The following ZNF141 variants were observed in gnomAD, a reference collection of about 807,000 sequenced individuals.
ZNF141 encodes zinc finger protein 141, also known as zinc finger protein 141 (clone pHZ-44).
Under a neutral mutation model 11.3 loss-of-function variants are expected in ZNF141, and 7 were observed. That is an observed-to-expected ratio of 0.62 (90% CI 0.35 to 1.16). ZNF141 has a LOEUF of 1.16. Ranked by LOEUF, ZNF141 falls within the 50% of genes most tolerant of loss-of-function variation. The probability of loss-of-function intolerance (pLI) is 0.02; values close to 1 mark genes in which losing one functional copy is unlikely to be tolerated. For missense variants in ZNF141, 535 were observed against 554.0 expected (o/e 0.97, Z 0.34); for synonymous variants, 183 against 190.7 (o/e 0.96, Z 0.33).
chr4:343,946 CAG>C, intron 2 of ZNF141, 38 bp downstream of exon 2: 1 of 1,574,972 alleles, frequency 6.3e-7, no homozygotes. Flanking sequence ...TAATTTTTCT[CAG>C]AGCTTTATTT....
rs77411834 is a variant in ZNF141 at position 379,686 on chromosome 4, T to C, written c.*5824T>C. On this transcript the variant is annotated 3_prime_UTR_variant, in exon 4 of 4. Transcript: ENST00000240499. ...CTGCGCCCAGCCTCTATGGTTATTA[T>C]ATTACAAAAACAGCACAAAAACTAT... 0.014 allele frequency among the ~76,000 whole-genome samples: 2,198 copies of C among 152,348 alleles called. 57 individuals carry two copies. Among genetic ancestry groups the C allele is most frequent in the African/African-American group, 0.049 (2,017 of 41,574 alleles).
chr4:347,261 T>A lies in ZNF141; in HGVS notation c.226+2831T>A, dbSNP rs1721373466. Among the ~76,000 whole-genome samples the A allele has an allele frequency of 2.0e-5, 3 of 151,546 alleles. No homozygotes were observed. In the South Asian group the frequency reaches 6.2e-4, roughly 32 times the overall value. The stretch of plus-strand genomic sequence containing the variant: ...CACGTTGGTCAGGCTAGTCTCGAAC[T>A]CCCGACCTCAGGTGATCCACCCGTC... On this transcript the variant is annotated intron_variant, in intron 3 of 3. Coordinates refer to ENST00000240499, the MANE Select transcript of ZNF141 (RefSeq NM_003441.4).
chr4:375,777 A>G lies in ZNF141; in HGVS notation c.*1915A>G, dbSNP rs150013375. Among the ~76,000 whole-genome samples, 1,793 of 152,224 alleles carry G rather than the reference A, an allele frequency of 0.012. 145 individuals are homozygous for G. The highest frequency in any genetic ancestry group is 0.11 in the Admixed American group (1,606 of 15,280). On this transcript the variant is annotated 3_prime_UTR_variant, in exon 4 of 4. Coordinates refer to ENST00000240499, the MANE Select transcript of ZNF141 (RefSeq NM_003441.4). ...TCAACATTCCTGTTTATGTGAAAGC[A>G]TGTGATGAATTGTTGCTGCATCAGA...
rs1366703883 is a variant in ZNF141 at position 379,917 on chromosome 4, CA to C, written c.*6056del. Among the ~76,000 whole-genome samples the C allele has an allele frequency of 6.6e-6, 1 of 152,196 alleles. No individual in the cohort carries two copies. ...CATAATTACTTTTGGGATAAGAGCT[CA>C]TAACATTGACTGTGTTAGCATTTTC... On this transcript the variant is annotated 3_prime_UTR_variant, in exon 4 of 4. Transcript: ENST00000240499.
intron 3 of ZNF141, chr4:350,124 A>G: frequency 1.9e-6 from 1 of 533,888 alleles, no homozygotes; most frequent in South Asian, 1.4e-5. Context: ...GCTGAGATTG[A>G]ATTTGAGAGA....
At position 380,395 on chromosome 4, in the gene ZNF141, T is replaced by C. The variant is rs1553855364; in HGVS notation, c.*6533T>C. ...TCGGCCAGGCGTGGTGGCTCACACC[T>C]GTAATCCCAGCACTTTGGGCGCCCA... On this transcript the variant is annotated 3_prime_UTR_variant, in exon 4 of 4. Transcript: ENST00000240499. 1.3e-5 allele frequency among the ~76,000 whole-genome samples: 2 copies of C among 152,186 alleles called. No individual in the cohort carries two copies. Among genetic ancestry groups the C allele is most frequent in the African/African-American group, 4.8e-5 (2 of 41,434 alleles).
chr4:353,991 A>C (rs1411275487), intron 3 of ZNF141, among the ~76,000 whole-genome samples: 1 of 152,186 alleles, frequency 6.6e-6, no homozygotes, highest in Non-Finnish European at 1.5e-5. Context: ...TGCTGAGAGC[A>C]CCTCTGCTTC....
Position 382,890 on chromosome 4 carries a change from A to G in ZNF141, c.*9028A>G, listed in dbSNP as rs1231509094. The G allele has an allele frequency of 3.3e-5, 15 of 452,752 alleles. No individual in the cohort carries two copies. Among genetic ancestry groups the G allele is most frequent in the African/African-American group, 1.0e-4 (5 of 49,956 alleles). 28.0% of individuals were successfully genotyped at this position (452,752 alleles called of 1,614,324 possible). A position where few individuals can be genotyped will look rare whatever the true frequency, so the allele number is the denominator to read the frequency against. ...ACAAGACACATCTACAAGAAAAGTC[A>G]TGATAAAATTGATTGCAAAAACAGC... On this transcript the variant is annotated 3_prime_UTR_variant, in exon 4 of 4. Coordinates refer to ENST00000240499, the MANE Select transcript of ZNF141 (RefSeq NM_003441.4).
chr4:352,341 T>G (rs1436590706), intron 3 of ZNF141, among the ~76,000 whole-genome samples: 6 of 152,028 alleles, frequency 3.9e-5, no homozygotes. Context: ...GAGCCAAGAC[T>G]ATACCACTGC....
chr4:381,483 A>G lies in ZNF141; in HGVS notation c.*7621A>G, dbSNP rs1712614816. On this transcript the variant is annotated 3_prime_UTR_variant, in exon 4 of 4. Transcript: ENST00000240499. Reference sequence around the variant, plus strand: ...GAGTGCAGTGGTGCAATCTCGGCTCACTGCAACCTCCGCCTCCTGGGTTCA... The same window carrying G: ...GAGTGCAGTGGTGCAATCTCGGCTCGCTGCAACCTCCGCCTCCTGGGTTCA... 7.6e-6 allele frequency among the ~76,000 whole-genome samples: 1 copy of G among 132,024 alleles called. No homozygotes were observed. The highest frequency in any genetic ancestry group is 9.9e-5 in the Admixed American group (1 of 10,088). The allele number at this position is 132,024 out of a possible 152,430, so 86.6% of individuals were successfully genotyped here.
intron 2 of ZNF141, 122 bp from the exon 3 acceptor site, chr4:344,213 A>G (rs1721202428): frequency 9.7e-7 from 1 of 1,029,554 alleles, no homozygotes; most frequent in Admixed American, 2.7e-5. Flanking sequence ...TCAGGAAACA[A>G]TTTTTGGATT....
chr4:351,757 G>A (rs932114553), intron 3 of ZNF141, among the ~76,000 whole-genome samples: 5 of 152,106 alleles, frequency 3.3e-5, no homozygotes, highest in Non-Finnish European at 7.3e-5. Flanking sequence ...GTCATCAATA[G>A]CCCCGTAATG....
chr4:348,728 CAA>C (rs200772158), intron 3 of ZNF141, among the ~76,000 whole-genome samples: 8 of 85,822 alleles, frequency 9.3e-5, no homozygotes, highest in Admixed American at 1.3e-4. Flanking sequence ...GACTCCATCT[CAA>C]AAAAAAAAAA....
chr4:356,194 G>A (rs1256436781), intron 3 of ZNF141, among the ~76,000 whole-genome samples: 4 of 144,670 alleles, frequency 2.8e-5, no homozygotes, highest in Non-Finnish European at 6.0e-5. Flanking sequence ...TCATGCCACC[G>A]CACTCCAGCC....
chr4:342,767 T>G (rs1553848714), intron 1 of ZNF141: 1 of 1,495,700 alleles, frequency 6.7e-7, no homozygotes, highest in Non-Finnish European at 9.3e-7. Flanking sequence ...TATTTTTGAT[T>G]GTTGTTGTCC....
intron 3 of ZNF141, 116 bp from the exon 4 acceptor site, chr4:372,548 T>C: frequency 1.1e-6 from 1 of 894,698 alleles, no homozygotes; most frequent in Non-Finnish European, 1.6e-6. Context: ...AGTTATGGCC[T>C]GTGGGATTTT....
chr4:346,543 G>A (rs1553849538), intron 3 of ZNF141, among the ~76,000 whole-genome samples: 1 of 152,036 alleles, frequency 6.6e-6, no homozygotes, highest in Non-Finnish European at 1.5e-5. Context: ...TGCTATTTTG[G>A]TAATCTAATG....
At chr4:371,041 T>C (rs1184959172) in intron 3 of ZNF141, among the ~76,000 whole-genome samples, 1 of 150,622 alleles carries the variant, frequency 6.6e-6, no homozygotes, top group Non-Finnish European at 1.5e-5. Context: ...CACATCTTTT[T>C]TTAACTTTTG....
In ZNF141 at chr4:378,415, G is replaced by A. The variant is rs922146140; in HGVS notation, c.*4553G>A. On this transcript the variant is annotated 3_prime_UTR_variant, in exon 4 of 4. Coordinates refer to ENST00000240499, the MANE Select transcript of ZNF141 (RefSeq NM_003441.4). The stretch of plus-strand genomic sequence containing the variant: ...TCCTGAGTTAACTGGGACTACAATC[G>A]CCTGCCACCACGCCCAGTTAATTTT... 2.0e-5 allele frequency among the ~76,000 whole-genome samples: 3 copies of A among 151,712 alleles called. No individual in the cohort carries two copies. Among genetic ancestry groups the A allele is most frequent in the Admixed American group, 6.6e-5 (1 of 15,232 alleles).
Sources: allele counts gnomAD v4.1 joint callset (sites outside exome capture counted in the v4.1 genomes callset), GRCh38; gene constraint gnomAD v4.1.1; transcripts MANE v1.5; gene names NCBI Gene and HGNC (gene_info 2026-07-23, HGNC 2026-07-21).